The following SPATA31A1 variants were observed in gnomAD, a reference collection of about 807,000 sequenced individuals.
SPATA31A1 encodes the protein SPATA31 subfamily A member 1.
For missense variants in SPATA31A1, 579 were observed against 1,476.3 expected (o/e 0.39, Z 9.96); for synonymous variants, 194 against 573.4 (o/e 0.34, Z 9.45).
rs530288546 is a variant in SPATA31A1, at chr9:39,355,720, C to T, written c.-11C>T. The T allele has an allele frequency of 0.012, 6,159 of 506,730 alleles. 72 individuals are homozygous for T. Among genetic ancestry groups the T allele is most frequent in the Middle Eastern group, 0.027 (50 of 1,876 alleles). The allele number at this position is 506,730 out of a possible 1,614,324, so 31.4% of individuals were successfully genotyped here. ...AGAGCTCAGTTGCTTGAAAGCAACG[C>T]GCCTATTCACATGGAGAATCTTCCC... is the stretch of plus-strand genomic sequence containing the variant. On this transcript the variant is annotated 5_prime_UTR_variant, in exon 1 of 4. Transcript: ENST00000377647.
intron 1 of SPATA31A1, 85 bp downstream of exon 1, chr9:39,356,004 G>A: frequency 1.4e-5 from 2 of 138,400 alleles, no homozygotes; most frequent in Non-Finnish European, 2.4e-5. Context: ...ATCCAGTGGA[G>A]AGCCTTCTAT....
chr9:39,356,490 G>A lies in SPATA31A1; in HGVS notation c.189+571G>A, dbSNP rs1472193445. 4.7e-4 allele frequency among the ~76,000 whole-genome samples: 66 copies of A among 140,758 alleles called. 1 individual carries two copies. Among genetic ancestry groups the A allele is most frequent in the South Asian group, 1.6e-3 (7 of 4,380 alleles). 92.3% of individuals were successfully genotyped at this position (140,758 alleles called of 152,430 possible). A position where few individuals can be genotyped will look rare whatever the true frequency, so the allele number is the denominator to read the frequency against. On this transcript the variant is annotated intron_variant, in intron 1 of 3. Coordinates refer to ENST00000377647, the MANE Select transcript of SPATA31A1 (RefSeq NM_001085452.4). ...TCATATTGAAAATCCCTCTGTGTGT[G>A]TGTGTGTGTGTGTGTGTGTGTGTAT...
chr9:39,361,774 T>A lies in SPATA31A1; in HGVS notation c.4009T>A (p.Cys1337Ser). Residue 1337 changes from cysteine (C) to serine (S), a missense_variant, in exon 4 of 4, where the codon TGT becomes AGT. By Grantham distance (112) the Cys-to-Ser change is moderately radical. Coordinates refer to ENST00000377647, the MANE Select transcript of SPATA31A1 (RefSeq NM_001085452.4). ...CGGTGCCTCTAGCCACCATCACCAC[T>A]GTCCAAGGCACTGTCTTCTTTGGGA... is the stretch of plus-strand genomic sequence containing the variant. ...TSGASSHHHH[C>S]PRHCLLWEGI 1.2e-6 allele frequency: 2 copies of A among 1,612,200 alleles called. No homozygotes were observed. The highest frequency in any genetic ancestry group is 2.2e-5 in the South Asian group (2 of 90,984).
At position 39,361,021 on chromosome 9, in the gene SPATA31A1, G is replaced by A. The variant is rs1259955199; in HGVS notation, c.3256G>A (p.Glu1086Lys). ...AGCCAGAAGGAGCAAACTGGTGCAC[G>A]AGGAGCCCAGAAACCCAAACTGTCA... is the stretch of plus-strand genomic sequence containing the variant. ...MAARRSKLVHEEPRNPNCQGS... is the reference protein window; with the variant it reads ...MAARRSKLVHKEPRNPNCQGS... Residue 1086 changes from glutamate (E) to lysine (K), a missense_variant, in exon 4 of 4, where the codon GAG (glutamate) becomes AAG (lysine). By Grantham distance (56) the Glu-to-Lys change is moderately conservative (BLOSUM62 1). Transcript: ENST00000377647. The A allele has an allele frequency of 1.2e-5, 20 of 1,610,860 alleles. No homozygotes were observed. The highest frequency in any genetic ancestry group is 6.7e-5 in the East Asian group (3 of 44,862).
Position 39,358,695 on chromosome 9 carries a change from C to A in SPATA31A1, c.930C>A (p.Tyr310Ter). ...DHLSRHPPET[Y>*]QMEAGSLFLL... Reference sequence around the variant, plus strand: ...TTTCCCGCCACCCACCAGAGACCTACCAGATGGAAGCTGGTAGCCTGTTTT... The same window carrying A: ...TTTCCCGCCACCCACCAGAGACCTAACAGATGGAAGCTGGTAGCCTGTTTT... Residue 310 changes from tyrosine to a stop codon, truncating the protein, a stop_gained, in exon 4 of 4, where the codon TAC becomes TAA. Transcript: ENST00000377647. LOFTEE classifies it low-confidence loss of function (END_TRUNC). 6.2e-7 allele frequency: 1 copy of A among 1,608,118 alleles called. No homozygotes were observed. Among genetic ancestry groups the A allele is most frequent in the Admixed American group, 1.7e-5 (1 of 59,952 alleles).
At position 39,361,388 on chromosome 9, in the gene SPATA31A1, G is replaced by A; in HGVS notation, c.3623G>A (p.Gly1208Asp). 1 of 1,613,622 alleles carries A rather than the reference G, an allele frequency of 6.2e-7. No homozygotes were observed. The highest frequency in any genetic ancestry group is 2.2e-5 in the East Asian group (1 of 44,878). ...CVYSSSAEAQ[G>D]LMTAVGQMLD... ...TACAGCAGCAGTGCTGAAGCTCAGGGTCTCATGACGGCAGTTGGACAAATG... is the reference window on the plus strand; with the variant it reads ...TACAGCAGCAGTGCTGAAGCTCAGGATCTCATGACGGCAGTTGGACAAATG... Residue 1208 changes from glycine to aspartate, a missense_variant, in exon 4 of 4, where the codon GGT (glycine) becomes GAT (aspartate). By Grantham distance (94) the Gly-to-Asp change is moderately conservative (BLOSUM62 -1). Coordinates refer to ENST00000377647, the MANE Select transcript of SPATA31A1 (RefSeq NM_001085452.4).
chr9:39,361,089 C>T lies in SPATA31A1; in HGVS notation c.3324C>T (p.His1108=), dbSNP rs565021978. The change falls in exon 4 of 4, where the codon CAC becomes CAT. Residue 1108 remains histidine (H), a synonymous_variant. Transcript: ENST00000377647. ...KNQRPMFPPI[H]KSEKSRKPNL... The stretch of plus-strand genomic sequence containing the variant: ...AAAGGCCAATGTTTCCCCCTATTCA[C>T]AAGAGTGAGAAGTCTAGGAAGCCCA... 6.8e-6 allele frequency: 11 copies of T among 1,611,300 alleles called. No individual in the cohort carries two copies. In the Admixed American group the frequency reaches 1.5e-4, roughly 22 times the overall value.
Position 39,361,325 on chromosome 9 carries a change from C to T in SPATA31A1, c.3560C>T (p.Ala1187Val). 2 of 1,613,518 alleles carry T rather than the reference C, an allele frequency of 1.2e-6. No homozygotes were observed. Among genetic ancestry groups the T allele is most frequent in the Non-Finnish European group, 1.7e-6 (2 of 1,179,852 alleles). Residue 1187 changes from alanine (A) to valine (V), a missense_variant, in exon 4 of 4, where the codon GCT (alanine) becomes GTT (valine). By Grantham distance (64) the Ala-to-Val change is moderately conservative. Transcript: ENST00000377647. ...KKKSKPAPVT[A>V]ESQKTVKNRS... Reference sequence around the variant, plus strand: ...AAAAGCAAGCCAGCACCAGTCACTGCTGAGAGCCAAAAAACAGTGAAAAAC... The same window carrying T: ...AAAAGCAAGCCAGCACCAGTCACTGTTGAGAGCCAAAAAACAGTGAAAAAC...
chr9:39,356,535 GTTA>G (rs1823331303), intron 1 of SPATA31A1, among the ~76,000 whole-genome samples: 4 of 138,994 alleles, frequency 2.9e-5, no homozygotes, highest in Non-Finnish European at 4.7e-5. Flanking sequence ...ATTTGTGTGT[GTTA>G]TTTTCATTTT....
chr9:39,361,217 T>G lies in SPATA31A1; in HGVS notation c.3452T>G (p.Leu1151Arg), dbSNP rs1823459153. The change falls in exon 4 of 4, where the codon CTG (leucine) becomes CGG (arginine). Residue 1151 changes from leucine (L) to arginine (R), a missense_variant. Leu to Arg is a moderately radical substitution (Grantham distance 102, BLOSUM62 -2). Coordinates refer to ENST00000377647, the MANE Select transcript of SPATA31A1 (RefSeq NM_001085452.4). ...DTHQDEGVQL[L>R]PSKKQPPSVS... ...CATCAGGATGAAGGCGTCCAGCTAC[T>G]GCCATCAAAGAAACAGCCTCCTTCA... 2 of 1,611,530 alleles carry G rather than the reference T, an allele frequency of 1.2e-6. No individual in the cohort carries two copies. Among genetic ancestry groups the G allele is most frequent in the East Asian group, 4.5e-5 (2 of 44,874 alleles).
At position 39,361,370 on chromosome 9, in the gene SPATA31A1, G is replaced by A; in HGVS notation, c.3605G>A (p.Ser1202Asn). 1 of 1,613,654 alleles carries A rather than the reference G, an allele frequency of 6.2e-7. No individual in the cohort carries two copies. Among genetic ancestry groups the A allele is most frequent in the East Asian group, 2.2e-5 (1 of 44,874 alleles). Residue 1202 changes from serine (S) to asparagine (N), a missense_variant, in exon 4 of 4, where the codon AGC becomes AAC. Ser to Asn is a conservative substitution (Grantham distance 46). Coordinates refer to ENST00000377647, the MANE Select transcript of SPATA31A1 (RefSeq NM_001085452.4). ...AAAAACAGATCATGTGTGTACAGCA[G>A]CAGTGCTGAAGCTCAGGGTCTCATG... ...TVKNRSCVYSSSAEAQGLMTA... is the reference protein window; with the variant it reads ...TVKNRSCVYSNSAEAQGLMTA...
intron 2 of SPATA31A1, chr9:39,357,542 G>T: frequency 1.6e-6 from 1 of 625,136 alleles, no homozygotes; most frequent in East Asian, 2.8e-5. Context: ...TGAGGACTGT[G>T]GGGGTGGGGG....
Position 39,361,308 on chromosome 9 carries a change from G to T in SPATA31A1, c.3543G>T (p.Lys1181Asn), listed in dbSNP as rs937976607. The T allele has an allele frequency of 5.0e-6, 8 of 1,613,090 alleles. No individual in the cohort carries two copies. The highest frequency in any genetic ancestry group is 6.8e-6 in the Non-Finnish European group (8 of 1,179,838). The change falls in exon 4 of 4, where the codon AAG (lysine) becomes AAT (asparagine). Residue 1181 changes from lysine (K) to asparagine (N), a missense_variant. Physicochemically the swap from Lys to Asn is moderately conservative, Grantham distance 94. Transcript: ENST00000377647. The stretch of plus-strand genomic sequence containing the variant: ...GGATTTTTTCAAAGAAAAAAAGCAA[G>T]CCAGCACCAGTCACTGCTGAGAGCC... Reference protein sequence around the residue: ...FQWIFSKKKSKPAPVTAESQK... With the variant: ...FQWIFSKKKSNPAPVTAESQK...
At chr9:39,357,485 A>G (rs2118417075) in intron 2 of SPATA31A1, 1 of 415,180 alleles carries the variant, frequency 2.4e-6, no homozygotes, top group African/African-American at 2.4e-5. Flanking sequence ...GCTAAGGCTG[A>G]TTCCTCTTTG....
rs1409664442 is a variant in SPATA31A1 at position 39,361,279 on chromosome 9, C to T, written c.3514C>T (p.Gln1172Ter). 11 of 1,612,222 alleles carry T rather than the reference C, an allele frequency of 6.8e-6. No homozygotes were observed. Among genetic ancestry groups the T allele is most frequent in the Non-Finnish European group, 9.3e-6 (11 of 1,179,834 alleles). The change falls in exon 4 of 4, where the codon CAG becomes TAG. Residue 1172 changes from glutamine (Q) to a stop codon, truncating the protein, a stop_gained. Transcript: ENST00000377647. LOFTEE classifies it low-confidence loss of function (END_TRUNC). ...TGGAGGAAACATCAAGCAATTTTTT[C>T]AGTGGATTTTTTCAAAGAAAAAAAG... ...HFGGNIKQFF[Q>*]WIFSKKKSKP...
In SPATA31A1 at chr9:39,361,349, A is replaced by T. The variant is rs1176457466; in HGVS notation, c.3584A>T (p.Asn1195Ile). The change falls in exon 4 of 4, where the codon AAC (asparagine) becomes ATC (isoleucine). Residue 1195 changes from asparagine to isoleucine, a missense_variant. Coordinates refer to ENST00000377647, the MANE Select transcript of SPATA31A1 (RefSeq NM_001085452.4). ...VTAESQKTVKNRSCVYSSSAE... is the reference protein window; with the variant it reads ...VTAESQKTVKIRSCVYSSSAE... ...GCTGAGAGCCAAAAAACAGTGAAAA[A>T]CAGATCATGTGTGTACAGCAGCAGT... is the stretch of plus-strand genomic sequence containing the variant. 5.4e-5 allele frequency: 87 copies of T among 1,613,508 alleles called. No individual in the cohort carries two copies. Among genetic ancestry groups the T allele is most frequent in the Non-Finnish European group, 6.6e-5 (78 of 1,179,846 alleles).
Position 39,361,315 on chromosome 9 carries a change from C to T in SPATA31A1, c.3550C>T (p.Pro1184Ser). The T allele has an allele frequency of 6.2e-7, 1 of 1,613,358 alleles. No homozygotes were observed. The highest frequency in any genetic ancestry group is 2.2e-5 in the East Asian group (1 of 44,874). ...IFSKKKSKPAPVTAESQKTVK... is the reference protein window; with the variant it reads ...IFSKKKSKPASVTAESQKTVK... ...TTCAAAGAAAAAAAGCAAGCCAGCA[C>T]CAGTCACTGCTGAGAGCCAAAAAAC... The change falls in exon 4 of 4, where the codon CCA becomes TCA. Residue 1184 changes from proline to serine, a missense_variant. By Grantham distance (74) the Pro-to-Ser change is moderately conservative. Coordinates refer to ENST00000377647, the MANE Select transcript of SPATA31A1 (RefSeq NM_001085452.4).
chr9:39,358,698 G>A lies in SPATA31A1; in HGVS notation c.933G>A (p.Gln311=). 1.2e-6 allele frequency: 2 copies of A among 1,608,626 alleles called. No individual in the cohort carries two copies. Among genetic ancestry groups the A allele is most frequent in the South Asian group, 2.2e-5 (2 of 91,046 alleles). ...HLSRHPPETY[Q]MEAGSLFLLS... ...CCCGCCACCCACCAGAGACCTACCA[G>A]ATGGAAGCTGGTAGCCTGTTTTTGC... The change falls in exon 4 of 4, where the codon CAG becomes CAA. Residue 311 remains glutamine (Q), a synonymous_variant. Transcript: ENST00000377647.
chr9:39,358,846 A>T lies in SPATA31A1; in HGVS notation c.1081A>T (p.Asn361Tyr). The T allele has an allele frequency of 6.3e-6, 10 of 1,596,146 alleles. No homozygotes were observed. The South Asian group carries it at 1.1e-4, about 18-fold the overall frequency. ...TDRMTPEKHL[N>Y]SLRNLAKSLD... ...TCGAATGACCCCAGAAAAGCACTTA[A>T]ATTCTTTGCGGAATTTGGCTAAATC... The change falls in exon 4 of 4, where the codon AAT becomes TAT. Residue 361 changes from asparagine (N) to tyrosine (Y), a missense_variant. Transcript: ENST00000377647.
Sources: gnomAD v4.1 joint callset for allele counts (sites outside exome capture counted in the v4.1 genomes callset) on GRCh38, gnomAD v4.1.1 for gene constraint, MANE v1.5 for transcripts, NCBI Gene and HGNC (gene_info 2026-07-23, HGNC 2026-07-21) for gene names.